The following ADCY5 variants were observed in gnomAD, a reference collection of about 807,000 sequenced individuals.
ADCY5 encodes the protein adenylate cyclase 5.
In ADCY5, 30 loss-of-function variants were observed where a neutral mutation model predicts 119.7. That is an observed-to-expected ratio of 0.25 (90% CI 0.19 to 0.34). The LOEUF (loss-of-function observed/expected upper bound fraction) is 0.34, where lower values mean the gene tolerates loss of function less well. Among genes scored for constraint, ADCY5 ranks in the 10% least tolerant of loss-of-function variants. The probability of loss-of-function intolerance (pLI) is 1.00; values close to 1 mark genes in which losing one functional copy is unlikely to be tolerated. For synonymous variants in ADCY5, 753 were observed against 762.2 expected (o/e 0.99, Z 0.20); for missense variants, 1,324 against 1,775.2 (o/e 0.75, Z 4.57).
chr3:123,392,556 A>G (rs1485776211), intron 1 of ADCY5, among the ~76,000 whole-genome samples: 1 of 152,208 alleles, frequency 6.6e-6, no homozygotes, highest in African/African-American at 2.4e-5. Context: ...CCAAGGCCAG[A>G]GGGCACAAAG....
intron 11 of ADCY5, among the ~76,000 whole-genome samples, chr3:123,316,939 G>T (rs1212372326): frequency 6.6e-6 from 1 of 151,776 alleles, no homozygotes; most frequent in South Asian, 2.1e-4. Context: ...TCTATCTAGG[G>T]GATGGGTACT....
chr3:123,375,993 A>G (rs1478601520), intron 1 of ADCY5, among the ~76,000 whole-genome samples: 1 of 145,150 alleles, frequency 6.9e-6, no homozygotes, highest in Non-Finnish European at 1.5e-5. Flanking sequence ...AGGAGTTTTA[A>G]CCCAAAAGCT....
chr3:123,289,634 C>T, intron 19 of ADCY5, 116 bp downstream of exon 19: 1 of 1,258,154 alleles, frequency 7.9e-7, no homozygotes, highest in Non-Finnish European at 1.1e-6. Context: ...TCTGCTGCCG[C>T]CTGGCCTTCT....
At chr3:123,304,302 C>T in intron 12 of ADCY5, 119 bp from the exon 13 acceptor site, 1 of 692,472 alleles carries the variant, frequency 1.4e-6, no homozygotes, top group South Asian at 1.7e-5. Flanking sequence ...CCAGCATGAC[C>T]CCTGGGCCTT....
chr3:123,341,060 G>C (rs1576596438), intron 3 of ADCY5, among the ~76,000 whole-genome samples: 1 of 152,268 alleles, frequency 6.6e-6, no homozygotes, highest in East Asian at 1.9e-4. Context: ...AGGAGGCAGA[G>C]GTTGCAGTGA....
rs1559830515 is a variant in ADCY5, at chr3:123,352,713, G to A, written c.1135-132C>T. The A allele has an allele frequency of 3.8e-6, 4 of 1,062,748 alleles. No homozygotes were observed. The highest frequency in any genetic ancestry group is 1.6e-5 in the African/African-American group (1 of 62,514). The allele number at this position is 1,062,748 out of a possible 1,614,324, so 65.8% of individuals were successfully genotyped here. ...AACAAATGCTGAGGGCACCCCACAC[G>A]CGGCCAACCACTGTGAGCAGCCGAG... On this transcript the variant is annotated intron_variant, in intron 1 of 20. Transcript: ENST00000462833. The surrounding 1 kb of genome is among the most constrained non-coding windows in gnomAD (Gnocchi z 4.8).
intron 1 of ADCY5, among the ~76,000 whole-genome samples, chr3:123,373,758 G>GCCTCCCCC (rs1943718682): frequency 2.2e-4 from 8 of 37,086 alleles, no homozygotes; most frequent in African/African-American, 5.7e-4. Context: ...GAAGCATCAC[G>GCCTCCCCC]CCCCCCCCCC....
intron 3 of ADCY5, among the ~76,000 whole-genome samples, chr3:123,346,906 C>T (rs116174520): frequency 3.3e-3 from 506 of 152,234 alleles, no homozygotes; most frequent in Non-Finnish European, 4.6e-3. Context: ...TTCGTGTCCC[C>T]GTGGAACTCA....
chr3:123,363,229 A>G (rs1158172342), intron 1 of ADCY5, among the ~76,000 whole-genome samples: 2 of 152,130 alleles, frequency 1.3e-5, no homozygotes, highest in African/African-American at 4.8e-5. Flanking sequence ...AAAAATACAA[A>G]TGACTTATAA....
chr3:123,373,791 G>A (rs1943728225), intron 1 of ADCY5, among the ~76,000 whole-genome samples: 1 of 118,594 alleles, frequency 8.4e-6, no homozygotes, highest in African/African-American at 3.3e-5. Context: ...GCAGGTAGCA[G>A]AGGATCAGGA....
chr3:123,291,484 T>C, intron 17 of ADCY5, 108 bp from the exon 18 acceptor site: 1 of 1,349,298 alleles, frequency 7.4e-7, no homozygotes, highest in Non-Finnish European at 1.0e-6. Context: ...GTCACGCAAA[T>C]GCCAACTTGT....
intron 1 of ADCY5, among the ~76,000 whole-genome samples, chr3:123,383,952 A>C (rs1944125666): frequency 7.8e-6 from 1 of 128,008 alleles, no homozygotes; most frequent in Admixed American, 7.6e-5. Flanking sequence ...CCCTTCTGCA[A>C]GGCACGTGCG....
chr3:123,291,394 C>T lies in ADCY5; in HGVS notation c.3064-18G>A, dbSNP rs56301263. 3,451 of 1,596,912 alleles carry T rather than the reference C, an allele frequency of 2.2e-3. 60 individuals carry two copies. The African/African-American group carries it at 0.037, about 17-fold the overall frequency. On this transcript the variant is annotated intron_variant, in intron 17 of 20. Transcript: ENST00000462833. ...TCTGTGGCCTGAGAGAAAAAGACTG[C>T]AAGTCACCCAGATGCCAATGTGAGC...
rs188924004 is a variant in ADCY5 at position 123,332,755 on chromosome 3, T to G, written c.1407-80A>C. The G allele has an allele frequency of 3.1e-6, 3 of 975,616 alleles. No homozygotes were observed. In the Admixed American group the frequency reaches 6.2e-5, roughly 20 times the overall value. 60.4% of individuals were successfully genotyped at this position (975,616 alleles called of 1,614,324 possible). On this transcript the variant is annotated intron_variant, in intron 3 of 20. Transcript: ENST00000462833. ...CCAAATTCATACATTACATCTTTTT[T>G]TTCTTTTCTTTTTTTTTAAGAAGAG... is the stretch of plus-strand genomic sequence containing the variant.
chr3:123,447,708 C>T lies in ADCY5; in HGVS notation c.838G>A (p.Val280Met). The T allele has an allele frequency of 6.3e-7, 1 of 1,599,172 alleles. No homozygotes were observed. The highest frequency in any genetic ancestry group is 8.5e-7 in the Non-Finnish European group (1 of 1,171,324). Residue 280 changes from valine (V) to methionine (M), a missense_variant, in exon 1 of 21, where the codon GTG (valine) becomes ATG (methionine). This residue lies in a region of ADCY5 where 585 missense variants were observed against 569.9 expected (regional missense o/e 1.03). Transcript: ENST00000462833. Reference protein sequence around the residue: ...YLAVLAAAVGVILIMAVLCNR... With the variant: ...YLAVLAAAVGMILIMAVLCNR... The stretch of plus-strand genomic sequence containing the variant: ...CAAAGCACAGCCATGATGAGGATCA[C>T]GCCGACGGCGGCCGCCAGCACGGCC...
intron 1 of ADCY5, among the ~76,000 whole-genome samples, chr3:123,400,758 A>G (rs772907791): frequency 5.9e-5 from 9 of 152,136 alleles, no homozygotes; most frequent in Non-Finnish European, 1.2e-4. Flanking sequence ...CAGCCTGACC[A>G]ATATGGTGAA....
intron 1 of ADCY5, among the ~76,000 whole-genome samples, chr3:123,424,432 C>A (rs1170368332): frequency 6.6e-6 from 1 of 152,210 alleles, no homozygotes; most frequent in African/African-American, 2.4e-5. Flanking sequence ...GGCGAGTGCT[C>A]TCCTATATCC....
At position 123,448,177 on chromosome 3, in the gene ADCY5, G is replaced by A; in HGVS notation, c.369C>T (p.Ala123=). Residue 123 remains alanine (A), a synonymous_variant, in exon 1 of 21, where the codon GCC becomes GCT. Transcript: ENST00000462833. ...GGGGCGCCCGGGTGCTGCCCCCGCT[G>A]GCCGCGCCCCGCCGCTGCCGGCGGC... is the stretch of plus-strand genomic sequence containing the variant. ...RGSRRQRRGA[A]SGGSTRAPPA... 1 of 1,183,496 alleles carries A rather than the reference G, an allele frequency of 8.4e-7. No homozygotes were observed. Among genetic ancestry groups the A allele is most frequent in the African/African-American group, 1.6e-5 (1 of 62,052 alleles). 73.3% of individuals were successfully genotyped at this position (1,183,496 alleles called of 1,614,324 possible). A position where few individuals can be genotyped will look rare whatever the true frequency, so the allele number is the denominator to read the frequency against.
chr3:123,441,460 C>G (rs1439181820), intron 1 of ADCY5, among the ~76,000 whole-genome samples: 1 of 152,178 alleles, frequency 6.6e-6, no homozygotes, highest in Non-Finnish European at 1.5e-5. Context: ...TAAGAGGCAC[C>G]TGATTTGGCT....
Sources: gnomAD v4.1 joint callset for allele counts (sites outside exome capture counted in the v4.1 genomes callset) on GRCh38, gnomAD v4.1.1 for gene constraint, gnomAD v4.1.1 regional missense constraint, Gnocchi (gnomAD v3.1) non-coding constraint, MANE v1.5 for transcripts, NCBI Gene and HGNC (gene_info 2026-07-23, HGNC 2026-07-21) for gene names.